The following SGCZ variants were observed in gnomAD, a reference collection of about 807,000 sequenced individuals.
SGCZ encodes the protein zeta-sarcoglycan.
SGCZ carries 40 observed loss-of-function variants against 41.3 expected under a neutral mutation model. That is an observed-to-expected ratio of 0.97 (90% CI 0.75 to 1.26). The LOEUF (loss-of-function observed/expected upper bound fraction) is 1.26, where lower values mean the gene tolerates loss of function less well. SGCZ is among the 50% of genes most tolerant of loss of function. The pLI is 0.00. For missense variants in SGCZ, 552 were observed against 369.8 expected, an observed-to-expected ratio of 1.49 and a Z score of -4.04; for synonymous variants, 206 against 137.5, an observed-to-expected ratio of 1.50 and a Z score of -3.49.
At chr8:14,181,262 G>C (rs11986613) in intron 4 of SGCZ, among the ~76,000 whole-genome samples, 39,520 of 152,124 alleles carry the variant, frequency 0.26, 7,485 homozygotes, top group African/African-American at 0.53. Context: ...TTCTGAATTG[G>C]TCTGTGACTA....
intron 1 of SGCZ, among the ~76,000 whole-genome samples, chr8:14,630,541 TAA>T (rs200870598): frequency 0.013 from 2,047 of 152,162 alleles, 45 homozygotes; most frequent in African/African-American, 0.045. Context: ...CAAAGGATTA[TAA>T]ATCATGCTGC....
intron 2 of SGCZ, among the ~76,000 whole-genome samples, chr8:14,443,822 A>G (rs1346387644): frequency 1.3e-5 from 2 of 152,132 alleles, no homozygotes; most frequent in Non-Finnish European, 2.9e-5. Context: ...GGATCTAATT[A>G]AACTAAAGAG....
Position 14,175,253 on chromosome 8 carries a change from G to A in SGCZ, c.425-10551C>T, listed in dbSNP as rs567985305. Among the ~76,000 whole-genome samples, 30 of 152,076 alleles carry A rather than the reference G, an allele frequency of 2.0e-4. 1 individual carries two copies. The highest frequency in any genetic ancestry group is 1.4e-3 in the Admixed American group (21 of 15,278). ...ACAGACTAATAAAACCTGAGAGAAC[G>A]AATCATGAACAAATTTATGTGAAGA... On this transcript the variant is annotated intron_variant, in intron 4 of 7. Transcript: ENST00000382080.
At chr8:14,833,386 A>G (rs1184289541) in intron 1 of SGCZ, among the ~76,000 whole-genome samples, 1 of 152,184 alleles carries the variant, frequency 6.6e-6, no homozygotes, top group Non-Finnish European at 1.5e-5. Context: ...GAAGCCAAAC[A>G]TACAGATCTG....
At chr8:14,464,752 G>A (rs1585551066) in intron 2 of SGCZ, among the ~76,000 whole-genome samples, 1 of 151,310 alleles carries the variant, frequency 6.6e-6, no homozygotes, top group African/African-American at 2.4e-5. Flanking sequence ...ATGTAACACT[G>A]ATTTTGGTGT....
intron 5 of SGCZ, among the ~76,000 whole-genome samples, chr8:14,144,506 G>A (rs1306492922): frequency 4.6e-5 from 7 of 152,318 alleles, no homozygotes; most frequent in Non-Finnish European, 8.8e-5. Context: ...CATTGGGTGA[G>A]ATGTTGAGAC....
chr8:14,630,534 A>C (rs1413635100), intron 1 of SGCZ, among the ~76,000 whole-genome samples: 1 of 151,742 alleles, frequency 6.6e-6, no homozygotes, highest in African/African-American at 2.4e-5. Context: ...ATACACCCAA[A>C]GGATTATAAA....
At position 14,212,297 on chromosome 8, in the gene SGCZ, C is replaced by T. The variant is rs184031478; in HGVS notation, c.424+25295G>A. Among the ~76,000 whole-genome samples, 38 of 152,098 alleles carry T rather than the reference C, an allele frequency of 2.5e-4. No homozygotes were observed. In the East Asian group the frequency reaches 6.2e-3, roughly 25 times the overall value. On this transcript the variant is annotated intron_variant, in intron 4 of 7. Transcript: ENST00000382080. ...GCTAGTGAAAAACCTACCAGGGGAGCAACTCTCTTTCCTATGGCCACGGCA... is the reference window on the plus strand; with the variant it reads ...GCTAGTGAAAAACCTACCAGGGGAGTAACTCTCTTTCCTATGGCCACGGCA...
intron 1 of SGCZ, among the ~76,000 whole-genome samples, chr8:15,114,301 C>T (rs563415891): frequency 1.4e-4 from 22 of 152,156 alleles, no homozygotes; most frequent in Non-Finnish European, 2.8e-4. Flanking sequence ...AGCTGCATAA[C>T]CTCAAATCAT....
intron 2 of SGCZ, among the ~76,000 whole-genome samples, chr8:14,423,272 C>T (rs1799684980): frequency 6.6e-6 from 1 of 151,582 alleles, no homozygotes; most frequent in African/African-American, 2.4e-5. Flanking sequence ...TGTAACTAAT[C>T]TGCACATTGT....
At chr8:14,360,943 G>A (rs1773419953) in intron 2 of SGCZ, among the ~76,000 whole-genome samples, 2 of 152,142 alleles carry the variant, frequency 1.3e-5, no homozygotes, top group Non-Finnish European at 2.9e-5. Context: ...CGCAAGCTCA[G>A]CAGCATGTGA....
intron 7 of SGCZ, among the ~76,000 whole-genome samples, chr8:14,100,600 T>TA (rs1801989322): frequency 3.5e-5 from 5 of 141,720 alleles, no homozygotes; most frequent in Middle Eastern, 3.8e-3. Context: ...TTATATTTTA[T>TA]TAATTTATAT....
chr8:14,920,431 G>T (rs1252121454), intron 1 of SGCZ, among the ~76,000 whole-genome samples: 3 of 152,122 alleles, frequency 2.0e-5, no homozygotes, highest in African/African-American at 7.2e-5. Flanking sequence ...TACAAAGACT[G>T]CATTTAAAGG....
chr8:15,144,293 A>G (rs1349453328), intron 1 of SGCZ, among the ~76,000 whole-genome samples: 3 of 152,190 alleles, frequency 2.0e-5, no homozygotes, highest in Non-Finnish European at 4.4e-5. Flanking sequence ...TATCTTTGTT[A>G]TATGCTACAC....
At chr8:14,309,180 C>T in intron 3 of SGCZ, 9 of 1,479,896 alleles carry the variant, frequency 6.1e-6, no homozygotes, top group Non-Finnish European at 8.5e-6. Context: ...AAAAGCAAAA[C>T]TTGGCAAGCA....
intron 1 of SGCZ, among the ~76,000 whole-genome samples, chr8:15,221,532 A>G (rs1270672167): frequency 6.6e-6 from 1 of 152,176 alleles, no homozygotes; most frequent in East Asian, 1.9e-4. Flanking sequence ...GGTCTATCCT[A>G]TCATAGGCTA....
intron 1 of SGCZ, among the ~76,000 whole-genome samples, chr8:14,962,940 C>T (rs2130853633): frequency 6.6e-6 from 1 of 152,200 alleles, no homozygotes; most frequent in East Asian, 1.9e-4. Context: ...GGGGATTAGC[C>T]CTGTTCTAGT....
At chr8:14,109,260 C>G (rs759709350) in intron 5 of SGCZ, among the ~76,000 whole-genome samples, 1 of 152,180 alleles carries the variant, frequency 6.6e-6, no homozygotes, top group Non-Finnish European at 1.5e-5. Flanking sequence ...GATACTCTAT[C>G]TCAACTTTCA....
intron 2 of SGCZ, among the ~76,000 whole-genome samples, chr8:14,416,398 A>T (rs1708058018): frequency 6.6e-6 from 1 of 151,890 alleles, no homozygotes; most frequent in Non-Finnish European, 1.5e-5. Flanking sequence ...TTATTATATT[A>T]GGAGTATAAG....
Sources: allele counts gnomAD v4.1 joint callset (sites outside exome capture counted in the v4.1 genomes callset), GRCh38; gene constraint gnomAD v4.1.1; transcripts MANE v1.5; gene names NCBI Gene and HGNC (gene_info 2026-07-23, HGNC 2026-07-21).